Variants in USP15 observed in about 807,000 individuals in gnomAD.
The protein encoded by USP15 is ubiquitin specific peptidase 15.
In USP15, 18 loss-of-function variants were observed where a neutral mutation model predicts 127.1. The ratio of observed to expected loss-of-function variants is 0.14; its 90% CI spans 0.10 to 0.21. USP15 has a LOEUF of 0.21. Among genes scored for constraint, USP15 ranks in the 10% least tolerant of loss-of-function variants. The pLI, the probability that USP15 is intolerant of heterozygous loss-of-function variation, is 1.00. For missense variants in USP15, 805 were observed against 1,159.9 expected, an observed-to-expected ratio of 0.69 and a Z score of 4.44; for synonymous variants, 364 against 393.7, an observed-to-expected ratio of 0.92 and a Z score of 0.89.
In USP15 at chr12:62,410,652, A is replaced by T. The variant is rs188902636; in HGVS notation, c.*6277A>T. The stretch of plus-strand genomic sequence containing the variant: ...ACTTACAACAACTTCCACCATAGCT[A>T]GCTCCAAACAGGTCATTAACCTCTG... On this transcript the variant is annotated 3_prime_UTR_variant, in exon 22 of 22. Transcript: ENST00000280377. 1.3e-5 allele frequency: 2 copies of T among 152,216 alleles called. No individual in the cohort carries two copies. Among genetic ancestry groups the T allele is most frequent in the South Asian group, 4.1e-4 (2 of 4,838 alleles). 9.4% of individuals were successfully genotyped at this position (152,216 alleles called of 1,614,324 possible).
chr12:62,381,682 T>C lies in USP15; in HGVS notation c.1089+19T>C. ...CTTTAAGGTTAGTGTGGTAAATGCA[T>C]TTTAGCAAGGGTACCTGCAAGGGTA... On this transcript the variant is annotated intron_variant, in intron 9 of 21. Coordinates refer to ENST00000280377, the MANE Select transcript of USP15 (RefSeq NM_001252078.2). The C allele has an allele frequency of 6.3e-7, 1 of 1,597,020 alleles. No homozygotes were observed. Among genetic ancestry groups the C allele is most frequent in the Non-Finnish European group, 8.5e-7 (1 of 1,169,778 alleles).
At chr12:62,280,867 A>T (rs564554496) in intron 1 of USP15, among the ~76,000 whole-genome samples, 1 of 152,296 alleles carries the variant, frequency 6.6e-6, no homozygotes, top group Non-Finnish European at 1.5e-5. Flanking sequence ...ATCATGCAAG[A>T]CCTTTTAGAC....
chr12:62,384,428 A>G (rs987720436), intron 11 of USP15, 126 bp downstream of exon 11: 4 of 767,952 alleles, frequency 5.2e-6, no homozygotes, highest in Non-Finnish European at 8.0e-6. Context: ...CCAATCAATA[A>G]TGTTTATTTG....
Position 62,401,289 on chromosome 12 carries a change from A to G in USP15, c.2763+14A>G. The G allele has an allele frequency of 1.9e-6, 3 of 1,592,828 alleles. No homozygotes were observed. Among genetic ancestry groups the G allele is most frequent in the Non-Finnish European group, 2.6e-6 (3 of 1,161,968 alleles). On this transcript the variant is annotated intron_variant, in intron 21 of 21. Transcript: ENST00000280377. The stretch of plus-strand genomic sequence containing the variant: ...GACCAAATTGTGGTAAGTTTGTCTT[A>G]TATTTCCTGAGAACTATGGGATTCA...
chr12:62,310,825 A>G (rs1592558539), intron 3 of USP15, among the ~76,000 whole-genome samples: 1 of 151,926 alleles, frequency 6.6e-6, no homozygotes, highest in African/African-American at 2.4e-5. Context: ...TAGTGGCTGT[A>G]CTAGTTTACA....
intron 8 of USP15, among the ~76,000 whole-genome samples, chr12:62,361,611 AT>A (rs2066318728): frequency 6.6e-6 from 1 of 152,042 alleles, no homozygotes; most frequent in Non-Finnish European, 1.5e-5. Flanking sequence ...TGTATCAATT[AT>A]TATAATTATT....
At chr12:62,382,200 A>G (rs1469376761) in intron 9 of USP15, among the ~76,000 whole-genome samples, 2 of 152,038 alleles carry the variant, frequency 1.3e-5, no homozygotes, top group African/African-American at 4.8e-5. Flanking sequence ...GGTTATTCAC[A>G]TGTGTGAATT....
Position 62,410,635 on chromosome 12 carries a change from C to G in USP15, c.*6260C>G, listed in dbSNP as rs1242827483. 1 of 152,094 alleles carries G rather than the reference C, an allele frequency of 6.6e-6. No individual in the cohort carries two copies. Among genetic ancestry groups the G allele is most frequent in the Non-Finnish European group, 1.5e-5 (1 of 68,020 alleles). The allele number at this position is 152,094 out of a possible 1,614,324, so 9.4% of individuals were successfully genotyped here. ...GGTAGGAAACATTCTACACTTACAA[C>G]AACTTCCACCATAGCTAGCTCCAAA... On this transcript the variant is annotated 3_prime_UTR_variant, in exon 22 of 22. Transcript: ENST00000280377.
rs2068126245 is a variant in USP15, at chr12:62,415,119, G to A, written c.*10744G>A. 6.6e-6 allele frequency: 1 copy of A among 152,102 alleles called. No homozygotes were observed. The highest frequency in any genetic ancestry group is 6.6e-5 in the Admixed American group (1 of 15,262). 9.4% of individuals were successfully genotyped at this position (152,102 alleles called of 1,614,324 possible). A position where few individuals can be genotyped will look rare whatever the true frequency, so the allele number is the denominator to read the frequency against. ...GAGACCCAGGAATGCCAATGGTGTA[G>A]TTCAAGTCCGAGTCCAAAGGGTTGA... On this transcript the variant is annotated 3_prime_UTR_variant, in exon 22 of 22. Coordinates refer to ENST00000280377, the MANE Select transcript of USP15 (RefSeq NM_001252078.2).
chr12:62,385,296 T>C (rs1047953857), intron 11 of USP15, among the ~76,000 whole-genome samples: 5 of 151,896 alleles, frequency 3.3e-5, no homozygotes, highest in South Asian at 2.1e-4. Flanking sequence ...TCTGTAAATT[T>C]TTAGCCAAAT....
intron 7 of USP15, among the ~76,000 whole-genome samples, chr12:62,349,877 G>A (rs934395226): frequency 2.0e-5 from 3 of 151,862 alleles, no homozygotes; most frequent in Non-Finnish European, 4.4e-5. Flanking sequence ...CACTCTGAGT[G>A]TATTATCTTG....
Position 62,283,671 on chromosome 12 carries a change from A to C in USP15, c.90-10508A>C, listed in dbSNP as rs1280962453. Among the ~76,000 whole-genome samples, 3 of 152,202 alleles carry C rather than the reference A, an allele frequency of 2.0e-5. 1 individual carries two copies. The East Asian group carries it at 5.8e-4, about 29-fold the overall frequency. ...CACTTAAAAAAATTAGGCTGAGCAC[A>C]GTGGTTCATGCTTGTTATCCTAGCA... On this transcript the variant is annotated intron_variant, in intron 1 of 21. Coordinates refer to ENST00000280377, the MANE Select transcript of USP15 (RefSeq NM_001252078.2).
intron 1 of USP15, among the ~76,000 whole-genome samples, chr12:62,283,670 C>T (rs2063713478): frequency 6.6e-6 from 1 of 152,148 alleles, no homozygotes; most frequent in African/African-American, 2.4e-5. Flanking sequence ...AGGCTGAGCA[C>T]AGTGGTTCAT....
Position 62,293,713 on chromosome 12 carries a change from C to T in USP15, c.90-466C>T, listed in dbSNP as rs181571369. On this transcript the variant is annotated intron_variant, in intron 1 of 21. Transcript: ENST00000280377. ...GAACTTGATGTCTTTAGTCAGCCAT[C>T]TTGAACCTCTCTCTCTGATTATGAT... 2.8e-3 allele frequency among the ~76,000 whole-genome samples: 425 copies of T among 152,264 alleles called. 1 individual carries two copies. The highest frequency in any genetic ancestry group is 9.7e-3 in the African/African-American group (403 of 41,554).
chr12:62,312,029 C>G (rs2064694549), intron 3 of USP15, among the ~76,000 whole-genome samples: 1 of 151,752 alleles, frequency 6.6e-6, no homozygotes, highest in Admixed American at 6.6e-5. Flanking sequence ...GTTTCTTACA[C>G]ATTAAGAACT....
intron 1 of USP15, among the ~76,000 whole-genome samples, chr12:62,290,249 CT>C (rs1419109062): frequency 6.6e-6 from 1 of 152,066 alleles, no homozygotes; most frequent in Non-Finnish European, 1.5e-5. Flanking sequence ...CTGTTTATAT[CT>C]TTTCTTAGGT....
intron 11 of USP15, among the ~76,000 whole-genome samples, chr12:62,385,443 C>G (rs1436869844): frequency 6.6e-6 from 1 of 151,976 alleles, no homozygotes; most frequent in East Asian, 1.9e-4. Flanking sequence ...TTCATAAACA[C>G]ACAGTCCTTT....
intron 8 of USP15, among the ~76,000 whole-genome samples, chr12:62,377,053 T>C (rs2066854141): frequency 6.6e-6 from 1 of 152,182 alleles, no homozygotes; most frequent in Non-Finnish European, 1.5e-5. Context: ...TTTATGTATT[T>C]TTAATTTTTA....
intron 6 of USP15, chr12:62,336,213 C>T (rs1438466070): frequency 2.0e-6 from 2 of 985,310 alleles, no homozygotes; most frequent in Non-Finnish European, 2.4e-6. Context: ...CAAACTGACA[C>T]AAAATATGCC....
Sources: allele counts gnomAD v4.1 joint callset (sites outside exome capture counted in the v4.1 genomes callset), GRCh38; gene constraint gnomAD v4.1.1; transcripts MANE v1.5; gene names NCBI Gene and HGNC (gene_info 2026-07-23, HGNC 2026-07-21).